Variants in SPDYE14 observed in about 807,000 individuals in gnomAD.
SPDYE14 encodes the protein speedy/RINGO cell cycle regulator family member E14.
At chr7:75,256,835 AAAAAG>A in the SPDYE14 span, among the ~76,000 whole-genome samples, 3 of 12,254 alleles carry the variant, frequency 2.4e-4, 1 homozygote, top group African/African-American at 1.8e-4. Context: ...AAAAAAAAAA[AAAAAG>A]ACCGGGTGCG....
the SPDYE14 span, among the ~76,000 whole-genome samples, chr7:75,260,083 C>T: frequency 2.3e-4 from 15 of 64,850 alleles, 2 homozygotes; most frequent in African/African-American, 9.6e-4. Flanking sequence ...ACACTGAACC[C>T]AGCATGTTGT....
the SPDYE14 span, among the ~76,000 whole-genome samples, chr7:75,279,609 G>A: frequency 6.5e-5 from 2 of 30,936 alleles, 1 homozygote; most frequent in Middle Eastern, 0.036. Flanking sequence ...CCGCAACCAT[G>A]CCTGGCTACT....
At chr7:75,257,774 C>A in the SPDYE14 span, among the ~76,000 whole-genome samples, 3 of 32,286 alleles carry the variant, frequency 9.3e-5, no homozygotes, top group African/African-American at 2.5e-4. Flanking sequence ...CTCCTCTCCT[C>A]CCCACTCCTC....
At chr7:75,244,167 G>A in the SPDYE14 span, among the ~76,000 whole-genome samples, 17 of 47,778 alleles carry the variant, frequency 3.6e-4, 4 homozygotes, top group South Asian at 2.1e-3. Context: ...GCGCCATCTC[G>A]GCTCACTGCA....
At chr7:75,241,669 T>TAAAAAAAAAA in the SPDYE14 span, among the ~76,000 whole-genome samples, 1 of 22,672 alleles carries the variant, frequency 4.4e-5, no homozygotes, top group African/African-American at 1.1e-4. Context: ...TGGGTCTTGG[T>TAAAAAAAAAA]AAAAAAAAAA....
At chr7:75,273,319 C>G in the SPDYE14 span, among the ~76,000 whole-genome samples, 1 of 60,952 alleles carries the variant, frequency 1.6e-5, no homozygotes, top group South Asian at 5.1e-4. Flanking sequence ...GGTGGATAAC[C>G]TGAGGTCATG....
chr7:75,271,860 C>CT, the SPDYE14 span, among the ~76,000 whole-genome samples: 16 of 7,340 alleles, frequency 2.2e-3, 5 homozygotes, highest in Non-Finnish European at 2.2e-3. Flanking sequence ...AACAGACTTC[C>CT]TTTTTTTTTT....
the SPDYE14 span, among the ~76,000 whole-genome samples, chr7:75,241,689 A>AT: frequency 4.0e-5 from 1 of 24,802 alleles, no homozygotes; most frequent in African/African-American, 9.6e-5. Context: ...AAATATATAT[A>AT]TATATATTTT....
chr7:75,276,566 G>A, the SPDYE14 span, among the ~76,000 whole-genome samples: 6 of 29,552 alleles, frequency 2.0e-4, 2 homozygotes, highest in East Asian at 6.9e-3. Context: ...GCAACACAGC[G>A]AGACTCTGTC....
the SPDYE14 span, among the ~76,000 whole-genome samples, chr7:75,261,503 C>T: frequency 1.7e-4 from 13 of 77,962 alleles, no homozygotes; most frequent in Admixed American, 3.1e-4. Context: ...TGCTCTGTCA[C>T]CCAGGTTGGA....
the SPDYE14 span, among the ~76,000 whole-genome samples, chr7:75,251,791 T>C: frequency 6.7e-5 from 1 of 14,936 alleles, no homozygotes; most frequent in Non-Finnish European, 1.8e-4. Context: ...GCCTGGCCAA[T>C]ATGGTGAAAC....
chr7:75,241,693 ATATTTTTTTTTT>A, the SPDYE14 span, among the ~76,000 whole-genome samples: 1 of 22,706 alleles, frequency 4.4e-5, no homozygotes, highest in Non-Finnish European at 1.1e-4. Context: ...ATATATATAT[ATATTTTTTTTTT>A]TTTTTTTGAG....
chr7:75,247,570 A>G, the SPDYE14 span, among the ~76,000 whole-genome samples: 1 of 68,322 alleles, frequency 1.5e-5, no homozygotes, highest in South Asian at 5.3e-4. Flanking sequence ...ATGACATTAT[A>G]TTAACTCATT....
the SPDYE14 span, among the ~76,000 whole-genome samples, chr7:75,251,510 CTG>C: frequency 2.2e-3 from 124 of 55,428 alleles, 10 homozygotes; most frequent in African/African-American, 0.011. Context: ...CTAATTTTGT[CTG>C]TGTGTGTGTG....
At chr7:75,247,512 GAA>G in the SPDYE14 span, among the ~76,000 whole-genome samples, 1 of 115,758 alleles carries the variant, frequency 8.6e-6, no homozygotes, top group African/African-American at 2.7e-5. Flanking sequence ...AAAGAGGAAA[GAA>G]AGAAAGAAAG....
chr7:75,267,728 T>TTTTATTTATTTATTTATTTATTTATTTA, the SPDYE14 span, among the ~76,000 whole-genome samples: 12 of 112,700 alleles, frequency 1.1e-4, no homozygotes, highest in South Asian at 2.8e-4. Context: ...GTCTGCATGA[T>TTTTATTTATTTATTTATTTATTTATTTA]TTTATTTATT....
chr7:75,268,845 CAGAG>C, the SPDYE14 span, among the ~76,000 whole-genome samples: 549 of 9,582 alleles, frequency 0.057, 107 homozygotes, highest in Non-Finnish European at 0.081. Flanking sequence ...GCACTCCAGC[CAGAG>C]AGAGAGAGAG....
chr7:75,275,206 C>T, the SPDYE14 span, among the ~76,000 whole-genome samples: 2 of 55,650 alleles, frequency 3.6e-5, no homozygotes, highest in African/African-American at 8.4e-5. Context: ...CTCTGCCTGG[C>T]CACCACCCCG....
chr7:75,264,528 A>G, the SPDYE14 span, among the ~76,000 whole-genome samples: 16 of 57,162 alleles, frequency 2.8e-4, 4 homozygotes, highest in African/African-American at 6.8e-4. Flanking sequence ...CTATAATGAT[A>G]TATGTAGCTT....
Sources: allele counts gnomAD v4.1 joint callset (sites outside exome capture counted in the v4.1 genomes callset), GRCh38; gene constraint gnomAD v4.1.1; transcripts MANE v1.5; gene names NCBI Gene and HGNC (gene_info 2026-07-23, HGNC 2026-07-21).